Variants in EPRS1 observed in about 807,000 individuals in gnomAD.
The protein encoded by EPRS1 is bifunctional glutamate/proline--tRNA ligase.
A neutral mutation model predicts 188.3 loss-of-function variants in EPRS1; 107 were observed. The ratio of observed to expected loss-of-function variants is 0.57; its 90% CI spans 0.49 to 0.67. EPRS1 has a LOEUF of 0.67. EPRS1 is among the 30% of genes least tolerant of loss of function. EPRS1 has a pLI of 0.00. For synonymous variants in EPRS1, 596 were observed against 593.1 expected (o/e 1.00, Z -0.07); for missense variants, 1,577 against 1,802.2 (o/e 0.88, Z 2.26).
chr1:220,025,092 C>A (rs1187044322), intron 7 of EPRS1, 40 bp downstream of exon 7: 3 of 1,595,040 alleles, frequency 1.9e-6, no homozygotes, highest in Non-Finnish European at 2.6e-6. Flanking sequence ...AACTTTAATT[C>A]ACTTTTCTGG....
At chr1:220,037,293 T>G (rs1221190043) in intron 2 of EPRS1, among the ~76,000 whole-genome samples, 1 of 151,592 alleles carries the variant, frequency 6.6e-6, no homozygotes, top group Non-Finnish European at 1.5e-5. Context: ...TCACCTGAGG[T>G]CAGGAGTTCC....
chr1:220,032,653 A>G, intron 4 of EPRS1, 127 bp from the exon 5 acceptor site: 1 of 858,174 alleles, frequency 1.2e-6, no homozygotes, highest in South Asian at 1.5e-5. Context: ...GAAATGTTAA[A>G]TATCTGGATA....
intron 18 of EPRS1, among the ~76,000 whole-genome samples, chr1:219,990,887 C>G (rs1036859965): frequency 6.6e-6 from 1 of 152,062 alleles, no homozygotes; most frequent in Admixed American, 6.6e-5. Flanking sequence ...GAGAGCATTG[C>G]TAGTAGATTT....
At chr1:219,981,610 T>C (rs1372414868) in intron 23 of EPRS1, among the ~76,000 whole-genome samples, 153 bp from the exon 24 acceptor site, 1 of 152,250 alleles carries the variant, frequency 6.6e-6, no homozygotes. Flanking sequence ...ATATTTCCAA[T>C]GTTTATAATA....
At chr1:219,980,295 G>C in intron 25 of EPRS1, 55 bp from the exon 26 acceptor site, 2 of 1,412,808 alleles carry the variant, frequency 1.4e-6, no homozygotes, top group Non-Finnish European at 2.0e-6. Context: ...TATTCATTAA[G>C]ATCTATAAAA....
intron 1 of EPRS1, 46 bp downstream of exon 1, chr1:220,046,296 TC>T (rs1662401261): frequency 6.2e-7 from 1 of 1,612,170 alleles, no homozygotes; most frequent in South Asian, 1.1e-5. Context: ...CCCTGCACCC[TC>T]CCTGGCTGAT....
At chr1:219,988,966 A>G in intron 18 of EPRS1, 143 bp from the exon 19 acceptor site, 1 of 582,416 alleles carries the variant, frequency 1.7e-6, no homozygotes, top group Non-Finnish European at 3.0e-6. Flanking sequence ...TCAGCCTACA[A>G]TAAGTGATAA....
intron 14 of EPRS1, among the ~76,000 whole-genome samples, 184 bp downstream of exon 14, chr1:220,007,018 G>T (rs531908688): frequency 1.3e-5 from 2 of 152,116 alleles, no homozygotes; most frequent in Non-Finnish European, 2.9e-5. Flanking sequence ...TTGATAGCCT[G>T]TTAGTAAACT....
intron 28 of EPRS1, among the ~76,000 whole-genome samples, chr1:219,976,258 G>T (rs1237376334): frequency 6.6e-6 from 1 of 152,162 alleles, no homozygotes; most frequent in African/African-American, 2.4e-5. Context: ...TAAAAAATGT[G>T]CTGTGTCAAG....
At chr1:219,976,596 T>C (rs952498410) in intron 28 of EPRS1, among the ~76,000 whole-genome samples, 1 of 152,156 alleles carries the variant, frequency 6.6e-6, no homozygotes, top group African/African-American at 2.4e-5. Flanking sequence ...GCAGGAAAAT[T>C]TAATTATTTG....
chr1:220,044,681 C>CAAAAAAAAAAAAAAAAAAAAA (rs71560597), intron 1 of EPRS1, among the ~76,000 whole-genome samples: 3 of 88,328 alleles, frequency 3.4e-5, no homozygotes, highest in African/African-American at 1.2e-4. Flanking sequence ...GCTCGGTCTC[C>CAAAAAAAAAAAAAAAAAAAAA]AAAAAAAAAA....
intron 30 of EPRS1, among the ~76,000 whole-genome samples, chr1:219,971,484 A>G (rs978457337): frequency 2.6e-5 from 4 of 152,074 alleles, no homozygotes; most frequent in Non-Finnish European, 5.9e-5. Context: ...AGAAAGTTCA[A>G]TCAATTGAGA....
chr1:220,035,586 TG>T (rs1662162089), intron 2 of EPRS1, among the ~76,000 whole-genome samples: 1 of 152,066 alleles, frequency 6.6e-6, no homozygotes, highest in Admixed American at 6.6e-5. Flanking sequence ...CCCAGTACTT[TG>T]GGAGGCCAAG....
In EPRS1 at chr1:219,978,610, C is replaced by T. The variant is rs377268601; in HGVS notation, c.4019G>A (p.Arg1340His). 11 of 1,608,442 alleles carry T rather than the reference C, an allele frequency of 6.8e-6. No individual in the cohort carries two copies. Among genetic ancestry groups the T allele is most frequent in the Admixed American group, 3.4e-5 (2 of 59,340 alleles). ...ATTATCTCGTAAATCAGCTCTAACG[C>T]GGATGTTAACACTGAGTAATCGCCT... The part of the protein sequence containing the change: ...YRRRLLSVNI[R>H]VRADLRDNYS... The change falls in exon 28 of 32, where the codon CGC (arginine) becomes CAC (histidine). Residue 1340 changes from arginine to histidine, a missense_variant. Arg to His is a conservative substitution (Grantham distance 29, BLOSUM62 0). Coordinates refer to ENST00000366923, the MANE Select transcript of EPRS1 (RefSeq NM_004446.3).
intron 2 of EPRS1, among the ~76,000 whole-genome samples, chr1:220,038,390 C>CTTTTTTTTTTT (rs71169431): frequency 3.9e-5 from 4 of 101,562 alleles, no homozygotes; most frequent in Non-Finnish European, 5.4e-5. Context: ...CTCAGTTTAT[C>CTTTTTTTTTTT]TTTTTTTTTT....
rs575752622 is a variant in EPRS1, at chr1:220,009,187, C to T, written c.1605+1759G>A. Among the ~76,000 whole-genome samples the T allele has an allele frequency of 2.1e-4, 32 of 152,150 alleles. 1 individual carries two copies. Among genetic ancestry groups the T allele is most frequent in the East Asian group, 7.7e-4 (4 of 5,192 alleles). ...CAAAGCCAAACCAATCAACTAAACG[C>T]GCACCCCAAATCTTATTAGGATTCA... On this transcript the variant is annotated intron_variant, in intron 13 of 31. Coordinates refer to ENST00000366923, the MANE Select transcript of EPRS1 (RefSeq NM_004446.3).
chr1:220,027,978 G>C (rs184797955), intron 6 of EPRS1, among the ~76,000 whole-genome samples: 3 of 152,146 alleles, frequency 2.0e-5, no homozygotes, highest in Admixed American at 2.0e-4. Context: ...ATTAATATTA[G>C]TTCATTAGTT....
Position 219,978,705 on chromosome 1 carries a change from A to T in EPRS1, c.3924T>A (p.Pro1308=). Residue 1308 remains proline (P), a synonymous_variant, in exon 28 of 32, where the codon CCT becomes CCA. Transcript: ENST00000366923. The part of the protein sequence containing the change: ...RVACVQVVII[P]CGITNALSEE... ...CAGAAAGTGCATTGGTAATGCCACA[A>T]GGAATAATCACCACCTAGAATCAGC... is the stretch of plus-strand genomic sequence containing the variant. 6.2e-7 allele frequency: 1 copy of T among 1,610,364 alleles called. No homozygotes were observed. Among genetic ancestry groups the T allele is most frequent in the Non-Finnish European group, 8.5e-7 (1 of 1,178,202 alleles).
intron 11 of EPRS1, 31 bp from the exon 12 acceptor site, chr1:220,018,539 G>C: frequency 6.7e-7 from 1 of 1,487,544 alleles, no homozygotes; most frequent in Non-Finnish European, 9.4e-7. Context: ...GATTTTAAGG[G>C]CAAGCAGTAT....
Sources: gnomAD v4.1 joint callset for allele counts (sites outside exome capture counted in the v4.1 genomes callset) on GRCh38, gnomAD v4.1.1 for gene constraint, MANE v1.5 for transcripts, NCBI Gene and HGNC (gene_info 2026-07-23, HGNC 2026-07-21) for gene names.